Variants in SIN3B observed in about 807,000 individuals in gnomAD.
SIN3B encodes paired amphipathic helix protein Sin3b.
A neutral mutation model predicts 120.2 loss-of-function variants in SIN3B; 19 were observed. The ratio of observed to expected loss-of-function variants is 0.16; its 90% CI spans 0.11 to 0.23. SIN3B has a LOEUF of 0.23. Among genes scored for constraint, SIN3B ranks in the 10% least tolerant of loss-of-function variants. The pLI is 1.00. For missense variants in SIN3B, 1,073 were observed against 1,573.0 expected (o/e 0.68, Z 5.38); for synonymous variants, 654 against 653.2 (o/e 1.00, Z -0.02).
intron 5 of SIN3B, among the ~76,000 whole-genome samples, chr19:16,848,723 G>C (rs1250159197): frequency 1.3e-5 from 2 of 152,096 alleles, no homozygotes; most frequent in Non-Finnish European, 2.9e-5. Flanking sequence ...CTGGTCTCGA[G>C]CTCCTGGCCT....
intron 17 of SIN3B, 71 bp downstream of exon 17, chr19:16,877,710 G>A (rs944818956): frequency 1.4e-5 from 15 of 1,104,746 alleles, no homozygotes; most frequent in Admixed American, 2.0e-5. Flanking sequence ...TTGTCCTGAC[G>A]GGGGCTGGAC....
intron 14 of SIN3B, among the ~76,000 whole-genome samples, chr19:16,874,602 G>A (rs916071072): frequency 1.3e-5 from 2 of 149,016 alleles, no homozygotes; most frequent in Non-Finnish European, 1.5e-5. Context: ...TGTGGTTTTG[G>A]TTTGGTCTGG....
At chr19:16,845,630 C>T (rs1971469384) in intron 4 of SIN3B, among the ~76,000 whole-genome samples, 1 of 152,226 alleles carries the variant, frequency 6.6e-6, no homozygotes, top group South Asian at 2.1e-4. Flanking sequence ...ATCCTAGCCT[C>T]TTCTGTCTGT....
At position 16,862,973 on chromosome 19, in the gene SIN3B, T is replaced by C. The variant is rs1201792154; in HGVS notation, c.1266+414T>C. The stretch of plus-strand genomic sequence containing the variant: ...ATACCTGCTGGATTCCAGGATATAG[T>C]GCAGGGGTCAGCAAACTCTGGCCCA... On this transcript the variant is annotated intron_variant, in intron 9 of 18. Transcript: ENST00000248054. This position sits in a 1 kb window ranked among gnomAD's most constrained non-coding sequence, Gnocchi z 4.7. 5.0e-6 allele frequency: 8 copies of C among 1,613,526 alleles called. No homozygotes were observed. The highest frequency in any genetic ancestry group is 2.7e-5 in the African/African-American group (2 of 74,940).
intron 8 of SIN3B, among the ~76,000 whole-genome samples, chr19:16,860,877 G>A (rs1416483354): frequency 1.3e-5 from 2 of 152,056 alleles, no homozygotes; most frequent in Non-Finnish European, 2.9e-5. Flanking sequence ...ACAAGCATGA[G>A]CCACTGCGCC....
At chr19:16,856,675 G>T (rs1568419429) in intron 8 of SIN3B, among the ~76,000 whole-genome samples, 1 of 152,030 alleles carries the variant, frequency 6.6e-6, no homozygotes, top group South Asian at 2.1e-4. Context: ...AGGTTCAAGT[G>T]ACTCTCCTGC....
chr19:16,855,314 T>G, intron 8 of SIN3B: 1 of 141,926 alleles, frequency 7.0e-6, no homozygotes, highest in East Asian at 2.1e-4. Flanking sequence ...TTATCTGTTC[T>G]CTAGACAATG....
At chr19:16,869,337 A>G (rs2051473609) in intron 12 of SIN3B, 123 bp from the exon 13 acceptor site, 1 of 1,317,556 alleles carries the variant, frequency 7.6e-7, no homozygotes. Flanking sequence ...TTCGCCACCC[A>G]TCCTGCTCTG....
In SIN3B at chr19:16,877,607, G is replaced by T. The variant is rs1393540351; in HGVS notation, c.2922G>T (p.Glu974Asp). ...AGGGCGCGTCCAGCTCGCCCACTGA[G>T]GGCTTCCTCCTGAAACCTGTGTTCC... The part of the protein sequence containing the change: ...GTEGASSSPT[E>D]GFLLKPVFLQ... Residue 974 changes from glutamate to aspartate, a missense_variant, in exon 17 of 19, where the codon GAG (glutamate) becomes GAT (aspartate). Around this residue, in one of 7 missense-constraint regions of SIN3B, gnomAD observed 311 missense variants for 400.3 expected, o/e 0.78. Coordinates refer to ENST00000248054, the MANE Select transcript of SIN3B (RefSeq NM_001297595.2). 13 of 1,612,152 alleles carry T rather than the reference G, an allele frequency of 8.1e-6. No homozygotes were observed. Among genetic ancestry groups the T allele is most frequent in the Non-Finnish European group, 1.0e-5 (12 of 1,179,504 alleles).
chr19:16,875,028 T>G, intron 14 of SIN3B, among the ~76,000 whole-genome samples: 1 of 151,816 alleles, frequency 6.6e-6, no homozygotes, highest in African/African-American at 2.4e-5. Flanking sequence ...TGGTCTGGTT[T>G]GGTCTGGTCT....
chr19:16,853,006 A>G, intron 6 of SIN3B, 63 bp from the exon 7 acceptor site: 6 of 1,311,854 alleles, frequency 4.6e-6, no homozygotes, highest in Non-Finnish European at 6.5e-6. Context: ...ACTCTGTGAC[A>G]GCGATGGACA....
In SIN3B at chr19:16,864,188, A is replaced by G. The variant is rs567154220; in HGVS notation, c.1383+392A>G. On this transcript the variant is annotated intron_variant, in intron 10 of 18. Transcript: ENST00000248054. ...GGGCGCCTGTAATCCCAGCTACTCG[A>G]GAGGCAGAAGCAGTAGAATTGCTTG... is the stretch of plus-strand genomic sequence containing the variant. 3.4e-3 allele frequency among the ~76,000 whole-genome samples: 518 copies of G among 152,128 alleles called. 2 individuals are homozygous for G. The highest frequency in any genetic ancestry group is 0.012 in the African/African-American group (505 of 41,514).
At chr19:16,863,437 A>G (rs758730719) in intron 9 of SIN3B, 5 of 555,428 alleles carry the variant, frequency 9.0e-6, no homozygotes, top group East Asian at 2.9e-5. Flanking sequence ...GGACTTGAGT[A>G]TCTGTGGATT....
At chr19:16,857,757 C>T (rs1434289981) in intron 8 of SIN3B, among the ~76,000 whole-genome samples, 1 of 152,192 alleles carries the variant, frequency 6.6e-6, no homozygotes, top group Non-Finnish European at 1.5e-5. Context: ...GGAGTGACCG[C>T]CACCTGCACT....
chr19:16,838,453 G>C (rs141190339), intron 3 of SIN3B, among the ~76,000 whole-genome samples: 27 of 152,212 alleles, frequency 1.8e-4, no homozygotes, highest in African/African-American at 6.5e-4. Flanking sequence ...TTGGTGTCTG[G>C]CTTCTCACTC....
At chr19:16,850,524 G>A (rs1012678836) in intron 5 of SIN3B, among the ~76,000 whole-genome samples, 1 of 151,884 alleles carries the variant, frequency 6.6e-6, no homozygotes, top group Admixed American at 6.6e-5. Context: ...GTATCTGATC[G>A]CTGCGGGCTG....
intron 8 of SIN3B, among the ~76,000 whole-genome samples, chr19:16,856,834 C>T (rs1444983127): frequency 2.0e-5 from 3 of 152,164 alleles, no homozygotes; most frequent in Middle Eastern, 3.4e-3. Flanking sequence ...AGTCTCCCAA[C>T]GTGCTGAGAT....
At chr19:16,831,977 A>G (rs1202773788) in intron 3 of SIN3B, among the ~76,000 whole-genome samples, 1 of 152,156 alleles carries the variant, frequency 6.6e-6, no homozygotes, top group Non-Finnish European at 1.5e-5. Flanking sequence ...CCCAGCGAGC[A>G]TACCAGGCAG....
intron 5 of SIN3B, 59 bp downstream of exon 5, chr19:16,847,172 GCCAGCTTGAC>G: frequency 2.6e-6 from 4 of 1,565,452 alleles, no homozygotes; most frequent in Non-Finnish European, 3.5e-6. Flanking sequence ...GAGGGCCCCA[GCCAGCTTGAC>G]CCATGTCCGG....
Sources: allele counts gnomAD v4.1 joint callset (sites outside exome capture counted in the v4.1 genomes callset), GRCh38; gene constraint gnomAD v4.1.1; regional missense constraint gnomAD v4.1.1; non-coding constraint Gnocchi (gnomAD v3.1); transcripts MANE v1.5; gene names NCBI Gene and HGNC (gene_info 2026-07-23, HGNC 2026-07-21).